Variants in AQR observed in about 807,000 individuals in gnomAD.
AQR encodes aquarius intron-binding spliceosomal factor.
A neutral mutation model predicts 180.5 loss-of-function variants in AQR; 61 were observed. The observed-to-expected ratio is 0.34, with a 90% CI of 0.28 to 0.42. AQR has a LOEUF of 0.42. Among genes scored for constraint, AQR ranks in the 10% least tolerant of loss-of-function variants. The pLI, the probability that AQR is intolerant of heterozygous loss-of-function variation, is 1.00. For synonymous variants in AQR, 551 were observed against 588.8 expected, an observed-to-expected ratio of 0.94 and a Z score of 0.93; for missense variants, 1,281 against 1,798.3, an observed-to-expected ratio of 0.71 and a Z score of 5.20.
At chr15:34,947,546 TA>T in intron 5 of AQR, among the ~76,000 whole-genome samples, 4 of 144,402 alleles carry the variant, frequency 2.8e-5, no homozygotes, top group African/African-American at 1.0e-4. Flanking sequence ...ATAAAATAAA[TA>T]AAAATAAAAA....
chr15:34,891,361 T>G (rs1278783619), intron 23 of AQR, among the ~76,000 whole-genome samples: 1 of 152,058 alleles, frequency 6.6e-6, no homozygotes, highest in Admixed American at 6.6e-5. Context: ...CACACTATAA[T>G]CCCAGAAAAA....
At chr15:34,957,722 T>TAAAAAAAAAAAAA (rs200338616) in intron 3 of AQR, among the ~76,000 whole-genome samples, 1 of 58,452 alleles carries the variant, frequency 1.7e-5, no homozygotes, top group Non-Finnish European at 5.0e-5. Context: ...AAAAAAAACA[T>TAAAAAAAAAAAAA]AAAAATAATA....
chr15:34,870,734 T>G lies in AQR; in HGVS notation c.3768+18A>C. 1 of 1,600,732 alleles carries G rather than the reference T, an allele frequency of 6.2e-7. No homozygotes were observed. Among genetic ancestry groups the G allele is most frequent in the Non-Finnish European group, 8.5e-7 (1 of 1,173,546 alleles). ...CCAAAATGATGAATAAGAGAACATATTATAATTATAAAAGTACCTTGTTTG... is the reference window on the plus strand; with the variant it reads ...CCAAAATGATGAATAAGAGAACATAGTATAATTATAAAAGTACCTTGTTTG... On this transcript the variant is annotated intron_variant, in intron 31 of 34. Transcript: ENST00000156471.
At chr15:34,922,246 A>T (rs560663574) in intron 13 of AQR, among the ~76,000 whole-genome samples, 1 of 152,350 alleles carries the variant, frequency 6.6e-6, no homozygotes, top group Admixed American at 6.5e-5. Flanking sequence ...ATACGGCTGT[A>T]TCACAGTATG....
intron 28 of AQR, among the ~76,000 whole-genome samples, chr15:34,875,597 T>C (rs1004864654): frequency 6.6e-6 from 1 of 152,088 alleles, no homozygotes; most frequent in African/African-American, 2.4e-5. Context: ...AAAATAATTC[T>C]ACAAACAATT....
chr15:34,939,941 G>A (rs1893998361), intron 8 of AQR, among the ~76,000 whole-genome samples: 1 of 152,168 alleles, frequency 6.6e-6, no homozygotes, highest in South Asian at 2.1e-4. Context: ...GTGGAATCTA[G>A]CTAAGTCTGA....
chr15:34,933,464 T>G (rs1454767709), intron 10 of AQR, among the ~76,000 whole-genome samples: 5 of 152,136 alleles, frequency 3.3e-5, no homozygotes, highest in African/African-American at 9.7e-5. Flanking sequence ...GAAATCTTTT[T>G]TTTTTTTTAA....
chr15:34,912,233 C>T (rs1414261921), intron 16 of AQR, among the ~76,000 whole-genome samples: 1 of 152,064 alleles, frequency 6.6e-6, no homozygotes, highest in Non-Finnish European at 1.5e-5. Flanking sequence ...TCTTCTTGAT[C>T]AAGATTGCTT....
chr15:34,953,545 C>T (rs1595809851), intron 3 of AQR, among the ~76,000 whole-genome samples: 1 of 152,200 alleles, frequency 6.6e-6, no homozygotes, highest in Admixed American at 6.5e-5. Context: ...TTTCTGATCT[C>T]TTACATAGTT....
chr15:34,918,706 T>C (rs1893635947), intron 14 of AQR, among the ~76,000 whole-genome samples: 1 of 152,218 alleles, frequency 6.6e-6, no homozygotes, highest in Admixed American at 6.5e-5. Flanking sequence ...CAATGAAATA[T>C]GAAATAGTGT....
At position 34,969,666 on chromosome 15, in the gene AQR, C is replaced by G; in HGVS notation, c.-53G>C. ...GAAACTAAAGGACCGCTCTGGGCAG[C>G]GGCAACCCTGGTCCACTTCCCTTAA... On this transcript the variant is annotated 5_prime_UTR_variant, in exon 1 of 35. Coordinates refer to ENST00000156471, the MANE Select transcript of AQR (RefSeq NM_014691.3). The G allele has an allele frequency of 1.3e-6, 2 of 1,575,720 alleles. No homozygotes were observed. Among genetic ancestry groups the G allele is most frequent in the Non-Finnish European group, 1.7e-6 (2 of 1,160,134 alleles).
rs1566978109 is a variant in AQR, at chr15:34,862,971, G to C, written c.3925C>G (p.Leu1309Val). ...GTCAGTTCAAAACAGTTTTGGAAGA[G>C]GGATACTCTGGCGAAGATATAAAGT... Reference protein sequence around the residue: ...LGLYIFARVSLFQNCFELTPA... With the variant: ...LGLYIFARVSVFQNCFELTPA... The change falls in exon 33 of 35, where the codon CTC becomes GTC. Residue 1309 changes from leucine to valine, a missense_variant. Physicochemically the swap from Leu to Val is conservative, Grantham distance 32 (BLOSUM62 1). This residue lies in a region of AQR where 197 missense variants were observed against 320.7 expected (regional missense o/e 0.61). Coordinates refer to ENST00000156471, the MANE Select transcript of AQR (RefSeq NM_014691.3). 3.7e-6 allele frequency: 6 copies of C among 1,613,878 alleles called. No individual in the cohort carries two copies. The highest frequency in any genetic ancestry group is 1.7e-5 in the Admixed American group (1 of 59,976).
intron 32 of AQR, among the ~76,000 whole-genome samples, chr15:34,863,669 A>G (rs1892701873): frequency 1.3e-5 from 2 of 152,176 alleles, no homozygotes; most frequent in African/African-American, 4.8e-5. Flanking sequence ...TGTTCATATC[A>G]ACAGTGATAA....
intron 18 of AQR, among the ~76,000 whole-genome samples, chr15:34,905,976 G>A (rs1893408042): frequency 6.6e-6 from 1 of 152,112 alleles, no homozygotes; most frequent in Non-Finnish European, 1.5e-5. Context: ...AGAGGTTGCA[G>A]TGGGCCAAGA....
intron 20 of AQR, among the ~76,000 whole-genome samples, chr15:34,898,219 AG>A (rs1347375304): frequency 6.6e-6 from 1 of 152,212 alleles, no homozygotes; most frequent in Non-Finnish European, 1.5e-5. Context: ...TGACATGTCT[AG>A]AATATGAAGC....
In AQR at chr15:34,964,223, A is replaced by G; in HGVS notation, c.132+11T>C. 6.3e-7 allele frequency: 1 copy of G among 1,589,868 alleles called. No individual in the cohort carries two copies. The highest frequency in any genetic ancestry group is 8.6e-7 in the Non-Finnish European group (1 of 1,160,570). On this transcript the variant is annotated intron_variant, in intron 2 of 34. Coordinates refer to ENST00000156471, the MANE Select transcript of AQR (RefSeq NM_014691.3). ...CTTCTCAAGAATTATGTTGAAACCA[A>G]AAATACTTACCTTTATATCAAAAGG... is the stretch of plus-strand genomic sequence containing the variant.
Position 34,932,302 on chromosome 15 carries a change from A to G in AQR, c.900+16T>C, listed in dbSNP as rs369426697. Reference sequence around the variant, plus strand: ...AAAGTAAAACAATAAATACGTTCAGATACATCAATATTCACCTGGGAAAAA... The same window carrying G: ...AAAGTAAAACAATAAATACGTTCAGGTACATCAATATTCACCTGGGAAAAA... On this transcript the variant is annotated intron_variant, in intron 11 of 34. Coordinates refer to ENST00000156471, the MANE Select transcript of AQR (RefSeq NM_014691.3). 1.3e-6 allele frequency: 2 copies of G among 1,568,390 alleles called. No homozygotes were observed. Among genetic ancestry groups the G allele is most frequent in the Non-Finnish European group, 1.8e-6 (2 of 1,138,472 alleles).
chr15:34,948,736 G>A (rs1235937318), intron 4 of AQR, among the ~76,000 whole-genome samples: 1 of 150,718 alleles, frequency 6.6e-6, no homozygotes, highest in African/African-American at 2.4e-5. Flanking sequence ...GGAAGAAGAT[G>A]CAGTGAGCTG....
In AQR at chr15:34,893,441, T is replaced by A. The variant is rs151012950; in HGVS notation, c.2571+222A>T. Among the ~76,000 whole-genome samples, 100 of 152,228 alleles carry A rather than the reference T, an allele frequency of 6.6e-4. 1 individual carries two copies. In the East Asian group the frequency reaches 0.018, roughly 28 times the overall value. On this transcript the variant is annotated intron_variant, in intron 23 of 34. Coordinates refer to ENST00000156471, the MANE Select transcript of AQR (RefSeq NM_014691.3). Reference sequence around the variant, plus strand: ...GAAGGAATGTGAGCCACAAACCAGCTGAGACTTAGGCATGCCAGAATATAT... The same window carrying A: ...GAAGGAATGTGAGCCACAAACCAGCAGAGACTTAGGCATGCCAGAATATAT...
Sources: allele counts gnomAD v4.1 joint callset (sites outside exome capture counted in the v4.1 genomes callset), GRCh38; gene constraint gnomAD v4.1.1; regional missense constraint gnomAD v4.1.1; transcripts MANE v1.5; gene names NCBI Gene and HGNC (gene_info 2026-07-23, HGNC 2026-07-21).